COPS3: variants seen among roughly 807,000 people sequenced by gnomAD.
COPS3 encodes COP9 signalosome complex subunit 3.
In COPS3, 10 loss-of-function variants were observed where a neutral mutation model predicts 58.2. That is an observed-to-expected ratio of 0.17 (90% CI 0.11 to 0.29). The LOEUF is 0.29. COPS3 is among the 10% of genes least tolerant of loss of function. The pLI is 1.00. For missense variants in COPS3, 333 were observed against 510.1 expected (o/e 0.65, Z 3.34); for synonymous variants, 187 against 181.7 (o/e 1.03, Z -0.24).
At chr17:17,279,410 CA>C in intron 1 of COPS3, among the ~76,000 whole-genome samples, 1 of 152,272 alleles carries the variant, frequency 6.6e-6, no homozygotes, top group South Asian at 2.1e-4. Context: ...CACTACACCC[CA>C]GGAAGGAGAA....
At chr17:17,267,833 TA>T in intron 5 of COPS3, 51 bp downstream of exon 5, 1 of 1,578,364 alleles carries the variant, frequency 6.3e-7, no homozygotes. Flanking sequence ...AGCAAGCCCA[TA>T]AACAACCTAC....
At chr17:17,261,745 G>C (rs1421577063) in intron 7 of COPS3, 1 of 488,662 alleles carries the variant, frequency 2.0e-6, no homozygotes, top group African/African-American at 2.0e-5. Context: ...ATCTATAGCT[G>C]TAAGTATCTA....
intron 1 of COPS3, among the ~76,000 whole-genome samples, chr17:17,278,851 G>T (rs888849736): frequency 1.3e-5 from 2 of 151,292 alleles, no homozygotes; most frequent in African/African-American, 4.8e-5. Flanking sequence ...TGTAACCAGA[G>T]ATGTGGCCAA....
intron 10 of COPS3, among the ~76,000 whole-genome samples, chr17:17,248,681 G>C (rs888241950): frequency 2.0e-5 from 3 of 152,106 alleles, no homozygotes; most frequent in African/African-American, 7.2e-5. Context: ...TCTTGAGACA[G>C]AGTCTTGCTC....
At chr17:17,275,682 G>A (rs2048446578) in intron 2 of COPS3, among the ~76,000 whole-genome samples, 1 of 152,136 alleles carries the variant, frequency 6.6e-6, no homozygotes, top group Non-Finnish European at 1.5e-5. Flanking sequence ...GGTGGCTCAC[G>A]CCTGTAATCC....
intron 5 of COPS3, among the ~76,000 whole-genome samples, chr17:17,267,181 CA>C (rs2048241460): frequency 6.6e-6 from 1 of 150,640 alleles, no homozygotes. Context: ...ACTAAAAATA[CA>C]AAAAAATTAG....
At chr17:17,248,803 A>C (rs1381329117) in intron 10 of COPS3, 123 bp downstream of exon 10, 15 of 616,574 alleles carry the variant, frequency 2.4e-5, no homozygotes, top group Non-Finnish European at 4.2e-5. Flanking sequence ...TCTAGTAACT[A>C]AGATGTTCAC....
intron 6 of COPS3, among the ~76,000 whole-genome samples, chr17:17,263,760 G>A (rs1031434736): frequency 4.8e-5 from 7 of 146,814 alleles, no homozygotes; most frequent in Non-Finnish European, 1.1e-4. Flanking sequence ...GTGATCCGCC[G>A]GCCTCGGCCT....
At chr17:17,273,243 C>T (rs1209296666) in intron 2 of COPS3, among the ~76,000 whole-genome samples, 2 of 152,172 alleles carry the variant, frequency 1.3e-5, no homozygotes, top group African/African-American at 2.4e-5. Flanking sequence ...TAGAGTTATG[C>T]TCTGCAGTAT....
intron 9 of COPS3, among the ~76,000 whole-genome samples, chr17:17,251,735 T>G (rs2047848390): frequency 6.6e-6 from 1 of 152,052 alleles, no homozygotes; most frequent in Admixed American, 6.5e-5. Flanking sequence ...GAATGTGCTG[T>G]GTGTTTCCTT....
intron 8 of COPS3, 66 bp from the exon 9 acceptor site, chr17:17,255,011 G>T: frequency 8.5e-7 from 1 of 1,175,082 alleles, no homozygotes; most frequent in Non-Finnish European, 1.3e-6. Context: ...TATTAAATGT[G>T]TACAGAGCGG....
Position 17,281,172 on chromosome 17 carries a change from C to T in COPS3, c.15G>A (p.Leu5=), listed in dbSNP as rs1324835664. Residue 5 remains leucine (L), a synonymous_variant, in exon 1 of 12, where the codon CTG becomes CTA. Transcript: ENST00000268717. MASA[L]EQFVNSVRQL... The stretch of plus-strand genomic sequence containing the variant: ...GTCGGACACTGTTCACGAACTGCTC[C>T]AGGGCAGACGCCATGTTTTCCCCCG... 2 of 1,611,424 alleles carry T rather than the reference C, an allele frequency of 1.2e-6. No homozygotes were observed. The highest frequency in any genetic ancestry group is 1.7e-5 in the Admixed American group (1 of 59,666).
intron 8 of COPS3, among the ~76,000 whole-genome samples, chr17:17,256,695 C>G (rs1597668154): frequency 6.6e-6 from 1 of 152,238 alleles, no homozygotes; most frequent in Non-Finnish European, 1.5e-5. Flanking sequence ...AAGGGAACCT[C>G]CTGTTTCAGC....
chr17:17,248,725 C>T (rs1003035829), intron 10 of COPS3, among the ~76,000 whole-genome samples: 22 of 152,242 alleles, frequency 1.4e-4, no homozygotes, highest in African/African-American at 4.1e-4. Context: ...GGCACAATCT[C>T]GGCTCACTGT....
intron 9 of COPS3, among the ~76,000 whole-genome samples, chr17:17,250,578 T>C (rs1019540648): frequency 6.6e-6 from 1 of 152,212 alleles, no homozygotes; most frequent in African/African-American, 2.4e-5. Flanking sequence ...GATTCCAAGG[T>C]AGATTCAAGG....
chr17:17,264,375 T>C (rs1567855084), intron 6 of COPS3, among the ~76,000 whole-genome samples: 1 of 152,176 alleles, frequency 6.6e-6, no homozygotes, highest in Non-Finnish European at 1.5e-5. Flanking sequence ...ACTTTTACTG[T>C]GTACTCCTTT....
chr17:17,246,746 C>T lies in COPS3; in HGVS notation c.*352G>A. 5.0e-6 allele frequency: 1 copy of T among 199,058 alleles called. No individual in the cohort carries two copies. The highest frequency in any genetic ancestry group is 1.7e-4 in the South Asian group (1 of 6,044). 12.3% of individuals were successfully genotyped at this position (199,058 alleles called of 1,614,324 possible). A position where few individuals can be genotyped will look rare whatever the true frequency, so the allele number is the denominator to read the frequency against. On this transcript the variant is annotated 3_prime_UTR_variant, in exon 12 of 12. Coordinates refer to ENST00000268717, the MANE Select transcript of COPS3 (RefSeq NM_003653.4). Reference sequence around the variant, plus strand: ...CAAATCTTCCAAAAATTCCTAAAATCCAGCTATTTCTGTTCACAATGAATG... The same window carrying T: ...CAAATCTTCCAAAAATTCCTAAAATTCAGCTATTTCTGTTCACAATGAATG...
chr17:17,266,077 A>C (rs1413313527), intron 5 of COPS3, among the ~76,000 whole-genome samples: 1 of 152,204 alleles, frequency 6.6e-6, no homozygotes, highest in Non-Finnish European at 1.5e-5. Context: ...CAATTTTTTT[A>C]AAACATTAAA....
chr17:17,252,494 C>A (rs187414069), intron 9 of COPS3, among the ~76,000 whole-genome samples: 20 of 151,878 alleles, frequency 1.3e-4, no homozygotes, highest in African/African-American at 4.4e-4. Flanking sequence ...TTAGCAGCAT[C>A]CCTGGCCCGT....
Sources: gnomAD v4.1 joint callset for allele counts (sites outside exome capture counted in the v4.1 genomes callset) on GRCh38, gnomAD v4.1.1 for gene constraint, MANE v1.5 for transcripts, NCBI Gene and HGNC (gene_info 2026-07-23, HGNC 2026-07-21) for gene names.